The following PKHD1L1 variants were observed in gnomAD, a reference collection of about 807,000 sequenced individuals.
PKHD1L1 encodes fibrocystin-L.
A neutral mutation model predicts 462.9 loss-of-function variants in PKHD1L1; 434 were observed. The ratio of observed to expected loss-of-function variants is 0.94; its 90% CI spans 0.87 to 1.02. The LOEUF (loss-of-function observed/expected upper bound fraction) is 1.02. Ranked by LOEUF, PKHD1L1 falls within the 50% of genes least tolerant of loss-of-function variation. PKHD1L1 has a pLI of 0.00. For synonymous variants in PKHD1L1, 1,781 were observed against 1,750.0 expected (o/e 1.02, Z -0.44); for missense variants, 5,202 against 5,096.1 (o/e 1.02, Z -0.63).
chr8:109,476,784 T>C (rs1818010709), intron 52 of PKHD1L1, 117 bp downstream of exon 52: 2 of 892,476 alleles, frequency 2.2e-6, no homozygotes, highest in African/African-American at 1.8e-5. Flanking sequence ...ATCCAATAAA[T>C]GTTTGCTGAA....
chr8:109,498,720 C>A lies in PKHD1L1; in HGVS notation c.10777C>A (p.His3593Asn). Residue 3593 changes from histidine (H) to asparagine (N), a missense_variant, in exon 67 of 78, where the codon CAT (histidine) becomes AAT (asparagine). By Grantham distance (68) the His-to-Asn change is moderately conservative. Around this residue, in one of 3 missense-constraint regions of PKHD1L1, gnomAD observed 4,497 missense variants for 4,336.8 expected, o/e 1.04. Coordinates refer to ENST00000378402, the MANE Select transcript of PKHD1L1 (RefSeq NM_177531.6). ...SAHNMAPRKP[H>N]AGIMSYNAIS... ...TCATAACATGGCACCCCGAAAGCCC[C>A]ATGCAGGAATCATGAGTTACAATGC... 1 of 1,613,974 alleles carries A rather than the reference C, an allele frequency of 6.2e-7. No individual in the cohort carries two copies. Among genetic ancestry groups the A allele is most frequent in the Non-Finnish European group, 8.5e-7 (1 of 1,179,884 alleles).
chr8:109,523,361 C>T lies in PKHD1L1; in HGVS notation c.12459C>T (p.Tyr4153=). The T allele has an allele frequency of 1.2e-6, 2 of 1,613,208 alleles. No individual in the cohort carries two copies. The highest frequency in any genetic ancestry group is 1.3e-5 in the African/African-American group (1 of 74,960). ...CGTTTAGCAGCTGTTGGGCCAACTA[C>T]ACAGACCTTACTCCCCTTAGAACAG... ...TIPFSSCWAN[Y]TDLTPLRTGK... is the part of the protein sequence containing the mutation. The change falls in exon 76 of 78, where the codon TAC becomes TAT. Residue 4153 remains tyrosine (Y), a synonymous_variant. Coordinates refer to ENST00000378402, the MANE Select transcript of PKHD1L1 (RefSeq NM_177531.6).
chr8:109,405,517 G>A (rs975198641), intron 16 of PKHD1L1, among the ~76,000 whole-genome samples: 5 of 152,082 alleles, frequency 3.3e-5, no homozygotes, highest in African/African-American at 1.2e-4. Context: ...CATAAAAAGG[G>A]ATGAGATCAT....
intron 32 of PKHD1L1, among the ~76,000 whole-genome samples, 185 bp downstream of exon 32, chr8:109,439,277 C>A (rs1231166824): frequency 6.6e-6 from 1 of 152,072 alleles, no homozygotes; most frequent in Non-Finnish European, 1.5e-5. Context: ...GTTTTGAGAC[C>A]AATACCATTC....
At position 109,440,698 on chromosome 8, in the gene PKHD1L1, T is replaced by A; in HGVS notation, c.3957-12T>A. On this transcript the variant is annotated splice_polypyrimidine_tract_variant and intron_variant, in intron 32 of 77. Transcript: ENST00000378402. ...GAAGCTCATTGAAAAATCTATTCAT[T>A]TTTTTTCTCAGAGACAAATTAAATT... 6.2e-7 allele frequency: 1 copy of A among 1,603,964 alleles called. No individual in the cohort carries two copies. The highest frequency in any genetic ancestry group is 8.5e-7 in the Non-Finnish European group (1 of 1,173,638).
chr8:109,394,607 G>C, intron 10 of PKHD1L1, 122 bp downstream of exon 10: 2 of 567,170 alleles, frequency 3.5e-6, no homozygotes, highest in Non-Finnish European at 5.4e-6. Flanking sequence ...TGCTAGGAAA[G>C]GAAAAATCCC....
At chr8:109,449,527 A>G in intron 40 of PKHD1L1, 40 bp downstream of exon 40, 2 of 1,496,748 alleles carry the variant, frequency 1.3e-6, no homozygotes, top group Non-Finnish European at 1.8e-6. Flanking sequence ...TTTGAGAACT[A>G]GTTAATTTTA....
At chr8:109,399,320 C>G (rs1586430968) in intron 12 of PKHD1L1, among the ~76,000 whole-genome samples, 1 of 151,896 alleles carries the variant, frequency 6.6e-6, no homozygotes, top group Non-Finnish European at 1.5e-5. Flanking sequence ...TATCTTCAAC[C>G]AAATTCAGCT....
chr8:109,407,576 C>T (rs1487941572), intron 17 of PKHD1L1, among the ~76,000 whole-genome samples: 1 of 152,144 alleles, frequency 6.6e-6, no homozygotes, highest in Non-Finnish European at 1.5e-5. Flanking sequence ...GATTATCATA[C>T]TAAGTGGCAT....
intron 24 of PKHD1L1, among the ~76,000 whole-genome samples, chr8:109,426,342 A>T (rs1814747286): frequency 6.6e-6 from 1 of 152,098 alleles, no homozygotes; most frequent in African/African-American, 2.4e-5. Flanking sequence ...TATTTTTAAT[A>T]TCAAAATGAA....
chr8:109,527,702 T>C (rs1467939755), intron 77 of PKHD1L1, among the ~76,000 whole-genome samples: 1 of 152,180 alleles, frequency 6.6e-6, no homozygotes, highest in Admixed American at 6.5e-5. Flanking sequence ...TGATATCTTC[T>C]AGAACCTCTG....
Position 109,480,614 on chromosome 8 carries a change from C to T in PKHD1L1, c.9327+475C>T, listed in dbSNP as rs1313775851. On this transcript the variant is annotated intron_variant, in intron 55 of 77. Coordinates refer to ENST00000378402, the MANE Select transcript of PKHD1L1 (RefSeq NM_177531.6). The stretch of plus-strand genomic sequence containing the variant: ...GAACAATCCCCACATTCCTTGTAAA[C>T]CCCAGATGGTCTTGAACCTGTACCA... 1.1e-5 allele frequency: 5 copies of T among 455,414 alleles called. No individual in the cohort carries two copies. In the East Asian group the frequency reaches 3.5e-4, roughly 32 times the overall value. 28.2% of individuals were successfully genotyped at this position (455,414 alleles called of 1,614,324 possible). A position where few individuals can be genotyped will look rare whatever the true frequency, so the allele number is the denominator to read the frequency against.
At chr8:109,517,185 A>T (rs1166446290) in intron 72 of PKHD1L1, among the ~76,000 whole-genome samples, 2 of 152,152 alleles carry the variant, frequency 1.3e-5, no homozygotes, top group Non-Finnish European at 2.9e-5. Flanking sequence ...GTTTTATGGT[A>T]GTGGTAGTGG....
In PKHD1L1 at chr8:109,430,031, T is replaced by C; in HGVS notation, c.3223T>C (p.Ser1075Pro). The change falls in exon 27 of 78, where the codon TCT (serine) becomes CCT (proline). Residue 1075 changes from serine to proline, a missense_variant. Transcript: ENST00000378402. The part of the protein sequence containing the change: ...ITPLVLAISP[S>P]QGSYEEGTIL... The stretch of plus-strand genomic sequence containing the variant: ...TCCCCTAGTCTTGGCGATAAGCCCT[T>C]CTCAAGGTAACTTCCTGATTTTTAA... The C allele has an allele frequency of 1.2e-6, 2 of 1,602,418 alleles. No individual in the cohort carries two copies. Among genetic ancestry groups the C allele is most frequent in the Non-Finnish European group, 1.7e-6 (2 of 1,175,226 alleles).
At chr8:109,406,536 T>C in intron 17 of PKHD1L1, 58 bp downstream of exon 17, 1 of 1,453,900 alleles carries the variant, frequency 6.9e-7, no homozygotes, top group Non-Finnish European at 9.1e-7. Flanking sequence ...CCTGTGCCAC[T>C]CTAAAAGTTC....
chr8:109,443,654 C>A (rs760393730), intron 36 of PKHD1L1, 22 bp from the exon 37 acceptor site: 3 of 1,560,428 alleles, frequency 1.9e-6, no homozygotes, highest in Non-Finnish European at 2.6e-6. Flanking sequence ...CATGACTTAA[C>A]GGGCAGTTCT....
chr8:109,485,264 C>A, intron 58 of PKHD1L1, 91 bp downstream of exon 58: 1 of 1,165,810 alleles, frequency 8.6e-7, no homozygotes, highest in Non-Finnish European at 1.2e-6. Context: ...TAAAACATGT[C>A]ACAAATATGT....
chr8:109,383,978 G>T (rs1435979221), intron 4 of PKHD1L1, 92 bp from the exon 5 acceptor site: 4 of 855,484 alleles, frequency 4.7e-6, no homozygotes, highest in East Asian at 2.4e-5. Flanking sequence ...TATGAATATT[G>T]TTGAAATTTA....
At position 109,406,365 on chromosome 8, in the gene PKHD1L1, T is replaced by C; in HGVS notation, c.1700T>C (p.Ile567Thr). 6.4e-7 allele frequency: 1 copy of C among 1,555,730 alleles called. No individual in the cohort carries two copies. The part of the protein sequence containing the change: ...VFLPADASEF[I>T]LQSALNDLWS... ...CTACCTGCTGATGCTTCTGAATTCA[T>C]ACTGCAATCAGCCTTGAATGACCTC... Residue 567 changes from isoleucine (I) to threonine (T), a missense_variant, in exon 17 of 78, where the codon ATA (isoleucine) becomes ACA (threonine). By Grantham distance (89) the Ile-to-Thr change is moderately conservative. Around this residue, in one of 3 missense-constraint regions of PKHD1L1, gnomAD observed 4,497 missense variants for 4,336.8 expected, o/e 1.04. Coordinates refer to ENST00000378402, the MANE Select transcript of PKHD1L1 (RefSeq NM_177531.6).
Sources: allele counts gnomAD v4.1 joint callset (sites outside exome capture counted in the v4.1 genomes callset), GRCh38; gene constraint gnomAD v4.1.1; regional missense constraint gnomAD v4.1.1; transcripts MANE v1.5; gene names NCBI Gene and HGNC (gene_info 2026-07-23, HGNC 2026-07-21).